The following FAM227A variants were observed in gnomAD, a reference collection of about 807,000 sequenced individuals.
FAM227A encodes family with sequence similarity 227 member A.
FAM227A carries 80 observed loss-of-function variants against 74.7 expected under a neutral mutation model. The observed-to-expected ratio is 1.07, with a 90% CI of 0.89 to 1.29. The LOEUF is 1.29. Among genes scored for constraint, FAM227A ranks in the 50% most tolerant of loss-of-function variants. The pLI, the probability that FAM227A is intolerant of heterozygous loss-of-function variation, is 0.00. For synonymous variants in FAM227A, 237 were observed against 241.8 expected, an observed-to-expected ratio of 0.98 and a Z score of 0.19; for missense variants, 654 against 683.4, an observed-to-expected ratio of 0.96 and a Z score of 0.48.
chr22:38,588,171 C>CT (rs1389086793), intron 16 of FAM227A, among the ~76,000 whole-genome samples: 6 of 152,154 alleles, frequency 3.9e-5, no homozygotes, highest in Non-Finnish European at 7.3e-5. Flanking sequence ...CCTTTCATGG[C>CT]TGGTATTCCA....
rs1341177255 is a variant in FAM227A at position 38,579,819 on chromosome 22, TATAAA to T, written c.*6301_*6305del. 1.3e-5 allele frequency: 2 copies of T among 152,202 alleles called. No individual in the cohort carries two copies. Among genetic ancestry groups the T allele is most frequent in the East Asian group, 1.9e-4 (1 of 5,200 alleles). 9.4% of individuals were successfully genotyped at this position (152,202 alleles called of 1,614,324 possible). A position where few individuals can be genotyped will look rare whatever the true frequency, so the allele number is the denominator to read the frequency against. On this transcript the variant is annotated 3_prime_UTR_variant, in exon 17 of 17. Transcript: ENST00000535113. ...TTATCACGCCTAGAATAATTTTATA[TATAAA>T]ATATTTAAGATTCAGATATCCATTT...
At chr22:38,643,527 C>T (rs181513492) in intron 3 of FAM227A, among the ~76,000 whole-genome samples, 91 of 152,228 alleles carry the variant, frequency 6.0e-4, no homozygotes, top group African/African-American at 2.2e-3. Flanking sequence ...AACGTGGAGC[C>T]GCAAGAACCC....
intron 11 of FAM227A, among the ~76,000 whole-genome samples, chr22:38,612,630 A>G (rs2091438696): frequency 1.3e-5 from 2 of 152,200 alleles, no homozygotes; most frequent in Admixed American, 6.6e-5. Flanking sequence ...CCTAGGCTCT[A>G]CCTGCAGATG....
chr22:38,607,005 C>T (rs920660794), intron 12 of FAM227A, among the ~76,000 whole-genome samples: 4 of 151,862 alleles, frequency 2.6e-5, no homozygotes, highest in Admixed American at 2.0e-4. Flanking sequence ...GGTGAAACCG[C>T]GTCTCTACTA....
At chr22:38,612,994 T>A (rs2091448110) in intron 11 of FAM227A, among the ~76,000 whole-genome samples, 1 of 141,030 alleles carries the variant, frequency 7.1e-6, no homozygotes, top group African/African-American at 2.7e-5. Flanking sequence ...AGGCCTTCTT[T>A]CACTGTCTTT....
intron 8 of FAM227A, among the ~76,000 whole-genome samples, chr22:38,626,908 ATATATACACG>A (rs2091821607): frequency 8.2e-6 from 1 of 121,988 alleles, no homozygotes; most frequent in Non-Finnish European, 1.7e-5. Context: ...ATATATATAT[ATATATACACG>A]TATATATATT....
At chr22:38,639,774 G>A in intron 3 of FAM227A, 50 bp from the exon 4 acceptor site, 1 of 1,293,702 alleles carries the variant, frequency 7.7e-7, no homozygotes. Flanking sequence ...GCAAATCCTG[G>A]AGAAGGGTGG....
chr22:38,605,618 C>T (rs2146248888), intron 12 of FAM227A, among the ~76,000 whole-genome samples: 1 of 152,262 alleles, frequency 6.6e-6, no homozygotes, highest in Admixed American at 6.5e-5. Context: ...AAGTCTCTAG[C>T]CTTAAATAAA....
At chr22:38,618,193 C>G (rs1306163185) in intron 11 of FAM227A, among the ~76,000 whole-genome samples, 1 of 152,178 alleles carries the variant, frequency 6.6e-6, no homozygotes, top group African/African-American at 2.4e-5. Context: ...TGAAAAACAG[C>G]AGATGCAGGA....
At chr22:38,609,530 G>A (rs1266625385) in intron 11 of FAM227A, among the ~76,000 whole-genome samples, 1 of 152,180 alleles carries the variant, frequency 6.6e-6, no homozygotes, top group Non-Finnish European at 1.5e-5. Context: ...TGAGTAGGAG[G>A]TTGGCAATGT....
At chr22:38,592,514 G>T (rs572432353) in intron 15 of FAM227A, among the ~76,000 whole-genome samples, 2 of 152,294 alleles carry the variant, frequency 1.3e-5, no homozygotes, top group African/African-American at 4.8e-5. Flanking sequence ...ACTTCCAGAA[G>T]AAATGCATTT....
At chr22:38,614,871 T>C (rs2091542937) in intron 11 of FAM227A, among the ~76,000 whole-genome samples, 1 of 152,364 alleles carries the variant, frequency 6.6e-6, no homozygotes, top group East Asian at 1.9e-4. Context: ...GGGTGATGGC[T>C]GTCCCTCTGC....
intron 1 of FAM227A, among the ~76,000 whole-genome samples, chr22:38,651,374 T>G (rs921113358): frequency 6.6e-6 from 1 of 152,156 alleles, no homozygotes; most frequent in African/African-American, 2.4e-5. Context: ...GTTTTTTGTT[T>G]GTTTGTTTGT....
rs1319283086 is a variant in FAM227A at position 38,585,294 on chromosome 22, T to G, written c.*831A>C. The G allele has an allele frequency of 6.6e-6, 1 of 152,150 alleles. No individual in the cohort carries two copies. The highest frequency in any genetic ancestry group is 1.9e-4 in the East Asian group (1 of 5,198). The allele number at this position is 152,150 out of a possible 1,614,324, so 9.4% of individuals were successfully genotyped here. On this transcript the variant is annotated 3_prime_UTR_variant, in exon 17 of 17. Transcript: ENST00000535113. ...ATGTGCATGCTTTACCTATAAAGTTTCTCTCAATTCTTGGACAAAGATTCA... is the reference window on the plus strand; with the variant it reads ...ATGTGCATGCTTTACCTATAAAGTTGCTCTCAATTCTTGGACAAAGATTCA...
At chr22:38,628,485 T>C (rs971346899) in intron 7 of FAM227A, 143 bp from the exon 8 acceptor site, 19 of 652,098 alleles carry the variant, frequency 2.9e-5, no homozygotes, top group Middle Eastern at 3.8e-4. Context: ...TATGAAATAA[T>C]GTGTTCATTT....
chr22:38,591,319 T>C, intron 16 of FAM227A, 116 bp downstream of exon 16: 1 of 1,433,070 alleles, frequency 7.0e-7, no homozygotes, highest in Non-Finnish European at 9.1e-7. Context: ...TGAGACTCTG[T>C]CTCAGTAAAA....
chr22:38,607,525 A>G (rs982161028), intron 11 of FAM227A, 49 bp from the exon 12 acceptor site: 2 of 1,273,420 alleles, frequency 1.6e-6, no homozygotes, highest in Non-Finnish European at 2.2e-6. Context: ...AGAGAGAGAG[A>G]ACAAAATAAA....
intron 6 of FAM227A, among the ~76,000 whole-genome samples, chr22:38,632,828 C>T (rs947288028): frequency 6.6e-6 from 1 of 152,206 alleles, no homozygotes; most frequent in African/African-American, 2.4e-5. Context: ...AACAGAAACA[C>T]AGTCTTTAGA....
At chr22:38,591,636 C>T (rs563155418) in intron 15 of FAM227A, 96 bp from the exon 16 acceptor site, 4 of 801,312 alleles carry the variant, frequency 5.0e-6, no homozygotes, top group South Asian at 5.1e-5. Flanking sequence ...ATCCACGTGA[C>T]CATTTACAAA....
Sources: allele counts gnomAD v4.1 joint callset (sites outside exome capture counted in the v4.1 genomes callset), GRCh38; gene constraint gnomAD v4.1.1; transcripts MANE v1.5; gene names NCBI Gene and HGNC (gene_info 2026-07-23, HGNC 2026-07-21).